The following PTPRT variants were observed in gnomAD, a reference collection of about 807,000 sequenced individuals.
PTPRT encodes the protein protein tyrosine phosphatase receptor type T.
Under a neutral mutation model 176.8 loss-of-function variants are expected in PTPRT, and 56 were observed. The ratio of observed to expected loss-of-function variants is 0.32; its 90% CI spans 0.26 to 0.40. PTPRT has a LOEUF of 0.40. Ranked by LOEUF, PTPRT falls within the 10% of genes least tolerant of loss-of-function variation. The pLI, the probability that PTPRT is intolerant of heterozygous loss-of-function variation, is 1.00. For missense variants in PTPRT, 1,540 were observed against 1,908.2 expected, an observed-to-expected ratio of 0.81 and a Z score of 3.60; for synonymous variants, 783 against 739.0, an observed-to-expected ratio of 1.06 and a Z score of -0.96.
At chr20:42,627,841 T>G (rs1433581096) in intron 7 of PTPRT, among the ~76,000 whole-genome samples, 1 of 152,072 alleles carries the variant, frequency 6.6e-6, no homozygotes, top group African/African-American at 2.4e-5. Context: ...AGCCAGATGC[T>G]CCAGTGTGAG....
chr20:42,297,493 C>T (rs1487682429), intron 12 of PTPRT, among the ~76,000 whole-genome samples: 2 of 152,084 alleles, frequency 1.3e-5, no homozygotes, highest in Non-Finnish European at 2.9e-5. Context: ...AATGCAATCC[C>T]AGAATTACTA....
chr20:42,420,450 A>T (rs985370048), intron 9 of PTPRT, among the ~76,000 whole-genome samples: 4 of 152,156 alleles, frequency 2.6e-5, no homozygotes, highest in Non-Finnish European at 5.9e-5. Context: ...CTTGTTAGAA[A>T]ACCCGGAGAG....
At chr20:42,698,799 T>A (rs1388225098) in intron 6 of PTPRT, among the ~76,000 whole-genome samples, 2 of 152,148 alleles carry the variant, frequency 1.3e-5, no homozygotes, top group Non-Finnish European at 2.9e-5. Flanking sequence ...TGGTCATGTC[T>A]TATGCATCTC....
At chr20:42,634,941 T>G (rs369737849) in intron 7 of PTPRT, among the ~76,000 whole-genome samples, 1 of 152,104 alleles carries the variant, frequency 6.6e-6, no homozygotes, top group South Asian at 2.1e-4. Flanking sequence ...CCATTTCCAT[T>G]TCTTACTTAT....
At position 42,695,976 on chromosome 20, in the gene PTPRT, C is replaced by T. The variant is rs556341680; in HGVS notation, c.860-17817G>A. The stretch of plus-strand genomic sequence containing the variant: ...TCCTGTCATTCATGGCCTTCAGTAA[C>T]CCTATCACTTAGAGAGTGGGCTGGA... On this transcript the variant is annotated intron_variant, in intron 6 of 30. Coordinates refer to ENST00000373187, the MANE Select transcript of PTPRT (RefSeq NM_007050.6). 3.9e-5 allele frequency among the ~76,000 whole-genome samples: 6 copies of T among 152,150 alleles called. 1 individual carries two copies. The highest frequency in any genetic ancestry group is 1.4e-4 in the African/African-American group (6 of 41,514).
chr20:42,321,436 G>A (rs924461058), intron 11 of PTPRT, among the ~76,000 whole-genome samples: 1 of 152,062 alleles, frequency 6.6e-6, no homozygotes, highest in African/African-American at 2.4e-5. Flanking sequence ...ATGTTTATAC[G>A]CTTGCCCTTA....
At chr20:42,475,058 A>G (rs1327809935) in intron 7 of PTPRT, among the ~76,000 whole-genome samples, 7 of 152,196 alleles carry the variant, frequency 4.6e-5, no homozygotes, top group Non-Finnish European at 1.0e-4. Flanking sequence ...CATGTTAAAT[A>G]TAATTTTTGA....
At chr20:42,496,617 T>C (rs1328935682) in intron 7 of PTPRT, among the ~76,000 whole-genome samples, 1 of 151,672 alleles carries the variant, frequency 6.6e-6, no homozygotes, top group Admixed American at 6.6e-5. Context: ...GATCTGTATC[T>C]TGAAATCCTT....
chr20:43,054,190 C>T (rs1252071459), intron 1 of PTPRT, among the ~76,000 whole-genome samples: 3 of 152,122 alleles, frequency 2.0e-5, no homozygotes, highest in Non-Finnish European at 4.4e-5. Flanking sequence ...AAAATAGGGA[C>T]TGGTAGAGAA....
At chr20:42,566,359 C>T (rs2073040249) in intron 7 of PTPRT, among the ~76,000 whole-genome samples, 1 of 152,318 alleles carries the variant, frequency 6.6e-6, no homozygotes, top group East Asian at 1.9e-4. Context: ...TGGTCCTGAA[C>T]TCCTGGGCTC....
chr20:42,318,181 G>A (rs145341570), intron 11 of PTPRT, among the ~76,000 whole-genome samples: 283 of 152,276 alleles, frequency 1.9e-3, no homozygotes, highest in Middle Eastern at 6.8e-3. Context: ...GTCAATAAAC[G>A]TTTAAATTAA....
intron 7 of PTPRT, among the ~76,000 whole-genome samples, chr20:42,517,393 T>C (rs988345917): frequency 2.6e-5 from 4 of 152,002 alleles, no homozygotes; most frequent in African/African-American, 9.6e-5. Flanking sequence ...GTACCTTCTC[T>C]CTTTTTTTCA....
chr20:42,708,051 T>C (rs900150676), intron 6 of PTPRT, among the ~76,000 whole-genome samples: 7 of 152,174 alleles, frequency 4.6e-5, no homozygotes, highest in African/African-American at 7.2e-5. Context: ...TATTAAATTA[T>C]AAAAATGCTA....
intron 12 of PTPRT, among the ~76,000 whole-genome samples, chr20:42,305,064 A>G (rs762633771): frequency 2.0e-5 from 3 of 152,098 alleles, no homozygotes; most frequent in Non-Finnish European, 4.4e-5. Flanking sequence ...TAAACTTTTT[A>G]TTCTAGGGCC....
chr20:42,893,867 G>T (rs1427386685), intron 1 of PTPRT, among the ~76,000 whole-genome samples: 2 of 151,748 alleles, frequency 1.3e-5, no homozygotes, highest in Admixed American at 6.6e-5. Context: ...GTTGTGGGGT[G>T]GGGGGAGTGG....
At chr20:42,698,108 T>TA (rs2075911716) in intron 6 of PTPRT, among the ~76,000 whole-genome samples, 1 of 152,176 alleles carries the variant, frequency 6.6e-6, no homozygotes, top group African/African-American at 2.4e-5. Context: ...CTACCTTTGA[T>TA]TCCCCTAAAG....
At chr20:43,089,392 G>A (rs559438987) in intron 1 of PTPRT, among the ~76,000 whole-genome samples, 2 of 152,276 alleles carry the variant, frequency 1.3e-5, no homozygotes, top group South Asian at 2.1e-4. Flanking sequence ...CCAACAATGA[G>A]GCATTGCTAA....
At chr20:42,354,158 A>T (rs2058326741) in intron 9 of PTPRT, among the ~76,000 whole-genome samples, 1 of 152,212 alleles carries the variant, frequency 6.6e-6, no homozygotes, top group Non-Finnish European at 1.5e-5. Context: ...TCAAAAACCA[A>T]ACCATTACCA....
chr20:42,458,038 C>T (rs2070953815), intron 8 of PTPRT, among the ~76,000 whole-genome samples: 1 of 152,180 alleles, frequency 6.6e-6, no homozygotes, highest in Non-Finnish European at 1.5e-5. Context: ...GGTACTTATG[C>T]ATGTAGACTT....
Sources: gnomAD v4.1 joint callset for allele counts (sites outside exome capture counted in the v4.1 genomes callset) on GRCh38, gnomAD v4.1.1 for gene constraint, MANE v1.5 for transcripts, NCBI Gene and HGNC (gene_info 2026-07-23, HGNC 2026-07-21) for gene names.